The following GPC6 variants were observed in gnomAD, a reference collection of about 807,000 sequenced individuals.
The protein encoded by GPC6 is glypican 6, also known as glypican-6.
GPC6 carries 14 observed loss-of-function variants against 55.2 expected under a neutral mutation model. That is an observed-to-expected ratio of 0.25 (90% CI 0.17 to 0.40). The LOEUF is 0.40. Among genes scored for constraint, GPC6 ranks in the 10% least tolerant of loss-of-function variants. The pLI is 1.00. For missense variants in GPC6, 641 were observed against 708.5 expected (o/e 0.90, Z 1.08); for synonymous variants, 278 against 259.6 (o/e 1.07, Z -0.68).
chr13:93,814,242 T>C (rs1235948959), intron 2 of GPC6, among the ~76,000 whole-genome samples: 1 of 152,198 alleles, frequency 6.6e-6, no homozygotes, highest in African/African-American at 2.4e-5. Flanking sequence ...ATTTATGCCA[T>C]TAACAAATAT....
At chr13:93,509,060 G>A (rs1228850832) in intron 1 of GPC6, among the ~76,000 whole-genome samples, 8 of 152,280 alleles carry the variant, frequency 5.3e-5, no homozygotes, top group Middle Eastern at 6.8e-3. Context: ...AGTAGTGAGG[G>A]AAGCAGTGGT....
intron 1 of GPC6, among the ~76,000 whole-genome samples, chr13:93,459,777 G>T (rs1305074914): frequency 6.6e-6 from 1 of 152,234 alleles, no homozygotes; most frequent in African/African-American, 2.4e-5. Flanking sequence ...ACACAGTTAA[G>T]GTTCAAGCTT....
intron 2 of GPC6, among the ~76,000 whole-genome samples, chr13:93,738,598 C>T (rs866778461): frequency 1.3e-5 from 2 of 152,212 alleles, no homozygotes; most frequent in African/African-American, 2.4e-5. Flanking sequence ...TCATGGTTAA[C>T]ATTATAATAG....
At chr13:93,494,929 C>T (rs1403607480) in intron 1 of GPC6, among the ~76,000 whole-genome samples, 4 of 146,696 alleles carry the variant, frequency 2.7e-5, no homozygotes, top group East Asian at 2.1e-4. Flanking sequence ...GAGGGTAACC[C>T]GACCTTTCTC....
chr13:93,501,289 G>A (rs1880511062), intron 1 of GPC6, among the ~76,000 whole-genome samples: 1 of 151,960 alleles, frequency 6.6e-6, no homozygotes, highest in African/African-American at 2.4e-5. Context: ...AAGAGAAATA[G>A]CACTCTGGGG....
chr13:93,504,486 T>TTTG (rs1417248927), intron 1 of GPC6, among the ~76,000 whole-genome samples: 1 of 150,550 alleles, frequency 6.6e-6, no homozygotes, highest in African/African-American at 2.4e-5. Context: ...AACATAGTTT[T>TTTG]TTTTTTTTTT....
chr13:93,933,356 C>A lies in GPC6; in HGVS notation c.712-94373C>A, dbSNP rs566487215. Among the ~76,000 whole-genome samples, 8 of 152,204 alleles carry A rather than the reference C, an allele frequency of 5.3e-5. No homozygotes were observed. The East Asian group carries it at 1.4e-3, about 26-fold the overall frequency. ...GATAGGCTCCTACAACAGAGAATTA[C>A]CCACCCCTAAGTGACAATAGTTTCA... is the stretch of plus-strand genomic sequence containing the variant. On this transcript the variant is annotated intron_variant, in intron 3 of 8. Coordinates refer to ENST00000377047, the MANE Select transcript of GPC6 (RefSeq NM_005708.5).
intron 5 of GPC6, among the ~76,000 whole-genome samples, chr13:94,294,021 G>C (rs1875174856): frequency 6.6e-6 from 1 of 152,170 alleles, no homozygotes; most frequent in Non-Finnish European, 1.5e-5. Flanking sequence ...ATCAAAGGCA[G>C]GGAAGAGCCT....
chr13:94,097,049 C>T (rs1251710705), intron 4 of GPC6, among the ~76,000 whole-genome samples: 1 of 150,826 alleles, frequency 6.6e-6, no homozygotes, highest in Non-Finnish European at 1.5e-5. Context: ...TAGGTTAATA[C>T]CTATTATGCA....
chr13:94,158,214 CT>C (rs1888023453), intron 4 of GPC6, among the ~76,000 whole-genome samples: 1 of 152,012 alleles, frequency 6.6e-6, no homozygotes, highest in Non-Finnish European at 1.5e-5. Context: ...TATCAAGAGC[CT>C]TTTCAGTGCT....
chr13:93,907,184 C>T (rs1876719803), intron 3 of GPC6, among the ~76,000 whole-genome samples: 1 of 151,936 alleles, frequency 6.6e-6, no homozygotes, highest in Non-Finnish European at 1.5e-5. Context: ...TAAATACCTC[C>T]AAAAAGAAAT....
chr13:93,637,582 G>A (rs1379547719), intron 2 of GPC6, among the ~76,000 whole-genome samples: 2 of 152,074 alleles, frequency 1.3e-5, no homozygotes, highest in East Asian at 1.9e-4. Context: ...TGTCCCAAAC[G>A]CTACAGCCTC....
chr13:93,327,273 T>G (rs557316531), intron 1 of GPC6, among the ~76,000 whole-genome samples: 10 of 152,204 alleles, frequency 6.6e-5, no homozygotes, highest in Admixed American at 1.3e-4. Context: ...ATTAGGGAAT[T>G]GGAGCAAATA....
At chr13:93,642,617 G>A (rs1880002324) in intron 2 of GPC6, among the ~76,000 whole-genome samples, 1 of 151,958 alleles carries the variant, frequency 6.6e-6, no homozygotes, top group Non-Finnish European at 1.5e-5. Flanking sequence ...ATTAGAGCTT[G>A]CTAAGAAAAC....
intron 4 of GPC6, among the ~76,000 whole-genome samples, chr13:94,266,444 A>G (rs1188824282): frequency 6.6e-6 from 1 of 152,190 alleles, no homozygotes; most frequent in African/African-American, 2.4e-5. Flanking sequence ...CTGGGATTAC[A>G]GGCGTGAGCC....
chr13:94,212,551 G>A (rs998915196), intron 4 of GPC6, among the ~76,000 whole-genome samples: 2 of 152,154 alleles, frequency 1.3e-5, no homozygotes, highest in African/African-American at 4.8e-5. Context: ...ATTATTGGGT[G>A]TCTAAAATTG....
In GPC6 at chr13:93,359,701, A is replaced by G. The variant is rs1880979675; in HGVS notation, c.160+132085A>G. Among the ~76,000 whole-genome samples the G allele has an allele frequency of 6.6e-5, 10 of 152,292 alleles. No homozygotes were observed. The South Asian group carries it at 2.1e-3, about 32-fold the overall frequency. On this transcript the variant is annotated intron_variant, in intron 1 of 8. Transcript: ENST00000377047. Reference sequence around the variant, plus strand: ...CAAAATGGTACTGCTAATGAGAGTAAATATTTCAAGGTAATGTGAAAAGTC... The same window carrying G: ...CAAAATGGTACTGCTAATGAGAGTAGATATTTCAAGGTAATGTGAAAAGTC...
At chr13:93,540,787 C>T (rs1882262249) in intron 1 of GPC6, among the ~76,000 whole-genome samples, 1 of 152,132 alleles carries the variant, frequency 6.6e-6, no homozygotes, top group East Asian at 1.9e-4. Context: ...CTTATTCCTC[C>T]TATTAGCTAT....
intron 1 of GPC6, among the ~76,000 whole-genome samples, chr13:93,272,795 C>G (rs1188021305): frequency 6.6e-6 from 1 of 152,124 alleles, no homozygotes; most frequent in African/African-American, 2.4e-5. Context: ...ACCCTCTATG[C>G]CTGTGCCTAT....
Sources: allele counts gnomAD v4.1 joint callset (sites outside exome capture counted in the v4.1 genomes callset), GRCh38; gene constraint gnomAD v4.1.1; transcripts MANE v1.5; gene names NCBI Gene and HGNC (gene_info 2026-07-23, HGNC 2026-07-21).